CGGBP1: variants seen among roughly 807,000 people sequenced by gnomAD.
The protein encoded by CGGBP1 is CGG triplet repeat-binding protein 1.
CGGBP1 carries 4 observed loss-of-function variants against 11.4 expected under a neutral mutation model. The observed-to-expected ratio is 0.35, with a 90% CI of 0.17 to 0.80. CGGBP1 has a LOEUF of 0.80. CGGBP1 is among the 30% of genes least tolerant of loss of function. The probability of loss-of-function intolerance (pLI) is 0.52; values close to 1 mark genes in which losing one functional copy is unlikely to be tolerated. For missense variants in CGGBP1, 135 were observed against 202.1 expected (o/e 0.67, Z 2.01); for synonymous variants, 76 against 74.1 (o/e 1.03, Z -0.13).
At chr3:88,059,648 C>A, upstream of CGGBP1, 1 of 1,267,992 alleles carries the variant, frequency 7.9e-7, no homozygotes, top group Non-Finnish European at 1.0e-6. Context: ...CTCCCTCCTC[C>A]ACTTATCCGG....
chr3:88,081,330 C>G (rs1008485003), intron 2 of CGGBP1, among the ~76,000 whole-genome samples: 1 of 151,096 alleles, frequency 6.6e-6, no homozygotes, highest in Non-Finnish European at 1.5e-5. Flanking sequence ...GTCTTTATAT[C>G]TGTACTGTCT....
At chr3:88,136,708 G>A (rs1433631320) in intron 2 of CGGBP1, among the ~76,000 whole-genome samples, 1 of 152,146 alleles carries the variant, frequency 6.6e-6, no homozygotes, top group Non-Finnish European at 1.5e-5. Flanking sequence ...TGTGTTAGGA[G>A]GAGTGGTTGT....
intron 1 of CGGBP1, among the ~76,000 whole-genome samples, chr3:88,149,493 T>C (rs1707368353): frequency 6.6e-6 from 1 of 152,274 alleles, no homozygotes; most frequent in African/African-American, 2.4e-5. Flanking sequence ...TATTTTTAAC[T>C]TTTCATACTA....
intron 2 of CGGBP1, among the ~76,000 whole-genome samples, chr3:88,078,226 T>A (rs1265963445): frequency 6.6e-6 from 1 of 152,242 alleles, no homozygotes; most frequent in East Asian, 1.9e-4. Context: ...TGCATGTTCA[T>A]TATCTTCTAT....
Position 88,052,643 on chromosome 3 carries a change from G to A in CGGBP1, c.*2830C>T, listed in dbSNP as rs1181529833. Reference sequence around the variant, plus strand: ...CAAGCTTAATTGGTTACCATTATAAGATGCAGAACTTTTTAATGTTTTCTG... The same window carrying A: ...CAAGCTTAATTGGTTACCATTATAAAATGCAGAACTTTTTAATGTTTTCTG... On this transcript the variant is annotated 3_prime_UTR_variant, in exon 4 of 4. Transcript: ENST00000482016. The A allele has an allele frequency of 6.6e-6, 1 of 152,360 alleles. No homozygotes were observed. Among genetic ancestry groups the A allele is most frequent in the East Asian group, 1.9e-4 (1 of 5,200 alleles). 9.4% of individuals were successfully genotyped at this position (152,360 alleles called of 1,614,324 possible). A position where few individuals can be genotyped will look rare whatever the true frequency, so the allele number is the denominator to read the frequency against.
intron 2 of CGGBP1, among the ~76,000 whole-genome samples, chr3:88,103,457 A>G (rs1171377626): frequency 1.3e-5 from 2 of 152,226 alleles, no homozygotes; most frequent in African/African-American, 4.8e-5. Flanking sequence ...GCAAGGAGAA[A>G]CAGAACAGAG....
intron 2 of CGGBP1, among the ~76,000 whole-genome samples, chr3:88,091,289 C>T (rs573868683): frequency 3.3e-4 from 50 of 151,820 alleles, no homozygotes; most frequent in Non-Finnish European, 6.0e-4. Context: ...GCTACGTAGA[C>T]AAAAATAATA....
intron 2 of CGGBP1, among the ~76,000 whole-genome samples, chr3:88,102,152 T>G (rs1249108718): frequency 6.6e-6 from 1 of 152,146 alleles, no homozygotes; most frequent in African/African-American, 2.4e-5. Flanking sequence ...TAAAGAAATT[T>G]GGTTGTAATG....
chr3:88,065,897 C>T (rs1346687876), intron 2 of CGGBP1, among the ~76,000 whole-genome samples: 1 of 152,066 alleles, frequency 6.6e-6, no homozygotes, highest in Non-Finnish European at 1.5e-5. Flanking sequence ...CCATGCCCGG[C>T]TAAATTTTTG....
chr3:88,108,875 G>T (rs1704907629), intron 2 of CGGBP1, among the ~76,000 whole-genome samples: 1 of 151,910 alleles, frequency 6.6e-6, no homozygotes, highest in African/African-American at 2.4e-5. Flanking sequence ...CTCACAGTGA[G>T]AACAAATTTC....
At chr3:88,117,025 T>C (rs993373213) in intron 2 of CGGBP1, among the ~76,000 whole-genome samples, 3 of 152,164 alleles carry the variant, frequency 2.0e-5, no homozygotes, top group Non-Finnish European at 4.4e-5. Flanking sequence ...ACGTTTTTGC[T>C]GAGGTTGAGT....
intron 1 of CGGBP1, among the ~76,000 whole-genome samples, chr3:88,145,969 T>A (rs1707306014): frequency 6.6e-6 from 1 of 152,224 alleles, no homozygotes; most frequent in Non-Finnish European, 1.5e-5. Flanking sequence ...GCCACACACT[T>A]TTCCCTACAA....
At chr3:88,086,671 T>G (rs564561140) in intron 2 of CGGBP1, among the ~76,000 whole-genome samples, 1 of 152,334 alleles carries the variant, frequency 6.6e-6, no homozygotes, top group South Asian at 2.1e-4. Flanking sequence ...CCAGATTGCC[T>G]TGGGAAGCTC....
At chr3:88,095,806 A>G (rs747567143) in intron 2 of CGGBP1, 3 of 444,296 alleles carry the variant, frequency 6.8e-6, no homozygotes, top group Non-Finnish European at 1.3e-5. Context: ...AGGCAATCCA[A>G]GTTTTTCTCA....
intron 2 of CGGBP1, among the ~76,000 whole-genome samples, chr3:88,132,460 A>G (rs76116603): frequency 0.013 from 2,020 of 152,320 alleles, 37 homozygotes; most frequent in African/African-American, 0.045. Flanking sequence ...TTGGTCTTCT[A>G]AAAGAAGACT....
intron 2 of CGGBP1, among the ~76,000 whole-genome samples, chr3:88,081,247 T>C (rs530546607): frequency 2.6e-5 from 4 of 152,338 alleles, no homozygotes; most frequent in South Asian, 2.1e-4. Context: ...ATGTATTTTA[T>C]TATATAGTTC....
chr3:88,099,416 G>C (rs936369163), intron 2 of CGGBP1, among the ~76,000 whole-genome samples: 14 of 152,170 alleles, frequency 9.2e-5, no homozygotes, highest in African/African-American at 3.4e-4. Flanking sequence ...GTAATTTATA[G>C]ATTCAATGCC....
At chr3:88,093,691 G>T (rs1703881723) in intron 2 of CGGBP1, among the ~76,000 whole-genome samples, 1 of 152,162 alleles carries the variant, frequency 6.6e-6, no homozygotes, top group African/African-American at 2.4e-5. Flanking sequence ...TTGCTAAATT[G>T]TACTGTATTT....
intron 2 of CGGBP1, among the ~76,000 whole-genome samples, chr3:88,132,088 A>G (rs1478634619): frequency 6.6e-6 from 1 of 152,152 alleles, no homozygotes; most frequent in Non-Finnish European, 1.5e-5. Context: ...CATTTAACCC[A>G]ACAAGCTTAT....
Sources: allele counts gnomAD v4.1 joint callset (sites outside exome capture counted in the v4.1 genomes callset), GRCh38; gene constraint gnomAD v4.1.1; transcripts MANE v1.5; gene names NCBI Gene and HGNC (gene_info 2026-07-23, HGNC 2026-07-21).